The following SGSM2 variants were observed in gnomAD, a reference collection of about 807,000 sequenced individuals.
SGSM2 encodes small G protein signaling modulator 2.
Under a neutral mutation model 126.6 loss-of-function variants are expected in SGSM2, and 89 were observed. The ratio of observed to expected loss-of-function variants is 0.70; its 90% confidence interval spans 0.59 to 0.84. The LOEUF (loss-of-function observed/expected upper bound fraction) is 0.84, where lower values mean the gene tolerates loss of function less well. Among genes scored for constraint, SGSM2 ranks in the 40% least tolerant of loss-of-function variants. The probability of loss-of-function intolerance (pLI) is 0.00; values close to 1 mark genes in which losing one functional copy is unlikely to be tolerated. For missense variants in SGSM2, 1,404 were observed against 1,416.6 expected (o/e 0.99, Z 0.14); for synonymous variants, 614 against 574.3 (o/e 1.07, Z -0.99).
At chr17:2,361,880 A>T in intron 3 of SGSM2, 81 bp downstream of exon 3, 1 of 1,497,532 alleles carries the variant, frequency 6.7e-7, no homozygotes, top group Non-Finnish European at 8.9e-7. Context: ...CACCCATCGG[A>T]AAGTTGGCAT....
intron 22 of SGSM2, among the ~76,000 whole-genome samples, chr17:2,378,530 C>CAA (rs574024477): frequency 3.0e-5 from 3 of 100,136 alleles, no homozygotes. Flanking sequence ...GACTGTGTCT[C>CAA]AAAAAAAAAA....
At position 2,362,941 on chromosome 17, in the gene SGSM2, C is replaced by A. The variant is rs2065383708; in HGVS notation, c.526+36C>A. ...GAGCACAGGCACAGTGGGTACGGGG[C>A]AGGTGCTGAGGGAGCATCGTCTGGG... On this transcript the variant is annotated intron_variant, in intron 5 of 23. Coordinates refer to ENST00000268989, the MANE Select transcript of SGSM2 (RefSeq NM_014853.3). This position sits in a 1 kb window ranked among gnomAD's most constrained non-coding sequence, Gnocchi z 4.9. 1.9e-6 allele frequency: 3 copies of A among 1,614,098 alleles called. No homozygotes were observed. The highest frequency in any genetic ancestry group is 1.7e-6 in the Non-Finnish European group (2 of 1,180,010).
intron 19 of SGSM2, 195 bp downstream of exon 19, chr17:2,376,456 C>A: frequency 1.5e-6 from 1 of 689,026 alleles, no homozygotes; most frequent in Non-Finnish European, 2.4e-6. Context: ...CAGACCTCCA[C>A]TTCAGCCACA....
At chr17:2,345,332 G>C (rs958799942) in intron 2 of SGSM2, among the ~76,000 whole-genome samples, 23 of 151,540 alleles carry the variant, frequency 1.5e-4, no homozygotes, top group Non-Finnish European at 2.7e-4. Context: ...CGTGGTGGCG[G>C]GCGCCTGTAA....
chr17:2,380,659 C>T lies in SGSM2; in HGVS notation c.*1139C>T, dbSNP rs1456936430. The stretch of plus-strand genomic sequence containing the variant: ...CTAGGCATGCTGCTTGCTCGGCCAT[C>T]CCCACTTCCTCCTCTACCCCAACAC... On this transcript the variant is annotated 3_prime_UTR_variant, in exon 24 of 24. Coordinates refer to ENST00000268989, the MANE Select transcript of SGSM2 (RefSeq NM_014853.3). 1 of 360,442 alleles carries T rather than the reference C, an allele frequency of 2.8e-6. No homozygotes were observed. Among genetic ancestry groups the T allele is most frequent in the Non-Finnish European group, 5.2e-6 (1 of 192,294 alleles). The allele number at this position is 360,442 out of a possible 1,614,324, so 22.3% of individuals were successfully genotyped here.
chr17:2,371,575 G>A (rs62067017), intron 13 of SGSM2, 160 bp downstream of exon 13: 45,983 of 816,140 alleles, frequency 0.056, 1,936 homozygotes, highest in African/African-American at 0.15. Context: ...TGACTTACAA[G>A]TTATGGAATT....
In SGSM2 at chr17:2,372,627, T is replaced by C. The variant is rs2065928502; in HGVS notation, c.1788+139T>C. 1.6e-6 allele frequency: 2 copies of C among 1,249,818 alleles called. No individual in the cohort carries two copies. Among genetic ancestry groups the C allele is most frequent in the East Asian group, 2.5e-5 (1 of 39,284 alleles). 77.4% of individuals were successfully genotyped at this position (1,249,818 alleles called of 1,614,324 possible). On this transcript the variant is annotated intron_variant, in intron 15 of 23. Transcript: ENST00000268989. This position sits in a 1 kb window ranked among gnomAD's most constrained non-coding sequence, Gnocchi z 6.0. The stretch of plus-strand genomic sequence containing the variant: ...CGGAGTGACCAGGGTCCCGGCAGAA[T>C]CTCTTGCAGCTGGGCCTGGGGCTGA...
At chr17:2,366,194 A>G (rs2065575098) in intron 11 of SGSM2, among the ~76,000 whole-genome samples, 1 of 152,134 alleles carries the variant, frequency 6.6e-6, no homozygotes, top group African/African-American at 2.4e-5. Context: ...ACTGGCGGGT[A>G]GAAAGGCGGC....
Position 2,372,249 on chromosome 17 carries a change from A to G in SGSM2, c.1637A>G (p.Tyr546Cys). The G allele has an allele frequency of 1.2e-6, 2 of 1,612,876 alleles. No individual in the cohort carries two copies. Among genetic ancestry groups the G allele is most frequent in the Non-Finnish European group, 1.7e-6 (2 of 1,179,604 alleles). Reference protein sequence around the residue: ...MKRQIVSRAFYGWLAHCRHLS... With the variant: ...MKRQIVSRAFCGWLAHCRHLS... ...AGGCAGATCGTGTCCCGGGCCTTCT[A>G]CGGCTGTGAGTGTGGGGCGCGCCGG... The change falls in exon 14 of 24, where the codon TAC becomes TGC. Residue 546 changes from tyrosine (Y) to cysteine (C), a missense_variant. Tyr to Cys is a radical substitution (Grantham distance 194, BLOSUM62 -2). Coordinates refer to ENST00000268989, the MANE Select transcript of SGSM2 (RefSeq NM_014853.3). The surrounding 1 kb of genome is among the most constrained non-coding windows in gnomAD (Gnocchi z 6.0).
Position 2,362,660 on chromosome 17 carries a change from G to T in SGSM2, c.459-178G>T, listed in dbSNP as rs570950570. Among the ~76,000 whole-genome samples the T allele has an allele frequency of 6.6e-6, 1 of 152,144 alleles. No individual in the cohort carries two copies. Among genetic ancestry groups the T allele is most frequent in the Non-Finnish European group, 1.5e-5 (1 of 68,034 alleles). On this transcript the variant is annotated intron_variant, in intron 4 of 23. Coordinates refer to ENST00000268989, the MANE Select transcript of SGSM2 (RefSeq NM_014853.3). This position sits in a 1 kb window ranked among gnomAD's most constrained non-coding sequence, Gnocchi z 4.9. ...AACCCTCCATCTCCCCGTCCCCTTC[G>T]GTGCCCTCAAGGCATTGGCCATACC...
In SGSM2 at chr17:2,372,342, G is replaced by C; in HGVS notation, c.1643-1G>C. 1 of 1,598,640 alleles carries C rather than the reference G, an allele frequency of 6.3e-7. No homozygotes were observed. The highest frequency in any genetic ancestry group is 8.5e-7 in the Non-Finnish European group (1 of 1,172,968). On this transcript the variant is annotated splice_acceptor_variant, in intron 14 of 23. Coordinates refer to ENST00000268989, the MANE Select transcript of SGSM2 (RefSeq NM_014853.3). LOFTEE classifies it high-confidence loss of function. This position sits in a 1 kb window ranked among gnomAD's most constrained non-coding sequence, Gnocchi z 6.0. The stretch of plus-strand genomic sequence containing the variant: ...CTGCTGCCCACCGCTGCCCACCGCA[G>C]GGCTGGCACACTGCCGCCACCTGTC...
rs1011828687 is a variant in SGSM2 at position 2,367,226 on chromosome 17, G to A, written c.1289-45G>A. On this transcript the variant is annotated intron_variant, in intron 11 of 23. Transcript: ENST00000268989. The surrounding 1 kb of genome is among the most constrained non-coding windows in gnomAD (Gnocchi z 4.0). ...AAGGAGGGAGTCCGTCCTGCCCAGGGATGAGGGCCTCATGCCTCTGCCTCT... is the reference window on the plus strand; with the variant it reads ...AAGGAGGGAGTCCGTCCTGCCCAGGAATGAGGGCCTCATGCCTCTGCCTCT... The A allele has an allele frequency of 6.3e-7, 1 of 1,586,820 alleles. No individual in the cohort carries two copies. The highest frequency in any genetic ancestry group is 8.6e-7 in the Non-Finnish European group (1 of 1,166,542).
chr17:2,340,715 G>T (rs2064317157), intron 1 of SGSM2, among the ~76,000 whole-genome samples: 4 of 151,892 alleles, frequency 2.6e-5, no homozygotes, highest in South Asian at 2.1e-4. Flanking sequence ...CTTCTGAGTA[G>T]CTGGGACTAC....
intron 18 of SGSM2, 42 bp from the exon 19 acceptor site, chr17:2,376,094 AG>A: frequency 6.2e-7 from 1 of 1,612,132 alleles, no homozygotes; most frequent in East Asian, 2.2e-5. Flanking sequence ...CAGCCTGGGA[AG>A]GGCTGCCCGG....
intron 1 of SGSM2, among the ~76,000 whole-genome samples, chr17:2,342,402 CA>C: frequency 6.6e-6 from 1 of 151,894 alleles, no homozygotes; most frequent in Admixed American, 6.6e-5. Context: ...CCAGCCTGGG[CA>C]AAAGAGCGAA....
chr17:2,350,982 G>A (rs1227322018), intron 2 of SGSM2, among the ~76,000 whole-genome samples: 7 of 152,148 alleles, frequency 4.6e-5, no homozygotes, highest in Non-Finnish European at 1.0e-4. Context: ...GCTGGGCGTG[G>A]TGGCTCACGC....
chr17:2,340,731 CCTG>C (rs1448666056), intron 1 of SGSM2, among the ~76,000 whole-genome samples: 1 of 151,976 alleles, frequency 6.6e-6, no homozygotes. Context: ...ACTACAGGCG[CCTG>C]CCACCACGCC....
rs756853535 is a variant in SGSM2 at position 2,379,319 on chromosome 17, C to T, written c.3068-113C>T. On this transcript the variant is annotated intron_variant, in intron 23 of 23. Coordinates refer to ENST00000268989, the MANE Select transcript of SGSM2 (RefSeq NM_014853.3). Reference sequence around the variant, plus strand: ...ATCCTGGGGGCCCTTCCCCAAAGGCCGGGATGTCAAGAATCTAGCAGAGCA... The same window carrying T: ...ATCCTGGGGGCCCTTCCCCAAAGGCTGGGATGTCAAGAATCTAGCAGAGCA... The T allele has an allele frequency of 3.2e-5, 50 of 1,564,612 alleles. 1 individual carries two copies. Among genetic ancestry groups the T allele is most frequent in the South Asian group, 3.4e-5 (3 of 86,978 alleles).
chr17:2,376,963 G>T lies in SGSM2; in HGVS notation c.2697G>T (p.Gln899His). The T allele has an allele frequency of 6.2e-7, 1 of 1,613,116 alleles. No homozygotes were observed. Among genetic ancestry groups the T allele is most frequent in the Non-Finnish European group, 8.5e-7 (1 of 1,179,434 alleles). Reference sequence around the variant, plus strand: ...TTCACTCCTGTCTCCCCTCAGATCAGCTGGCCTACAGCTGCTTCAGCCACC... The same window carrying T: ...TTCACTCCTGTCTCCCCTCAGATCATCTGGCCTACAGCTGCTTCAGCCACC... ...APLLVTLDND[Q>H]LAYSCFSHLM... The change falls in exon 21 of 24, where the codon CAG becomes CAT. Residue 899 changes from glutamine to histidine, a missense_variant. Coordinates refer to ENST00000268989, the MANE Select transcript of SGSM2 (RefSeq NM_014853.3).
Sources: gnomAD v4.1 joint callset for allele counts (sites outside exome capture counted in the v4.1 genomes callset) on GRCh38, gnomAD v4.1.1 for gene constraint, Gnocchi (gnomAD v3.1) non-coding constraint, MANE v1.5 for transcripts, NCBI Gene and HGNC (gene_info 2026-07-23, HGNC 2026-07-21) for gene names.